SPTLC3: variants seen among roughly 807,000 people sequenced by gnomAD.
SPTLC3 encodes the protein serine palmitoyltransferase long chain base subunit 3.
A neutral mutation model predicts 59.3 loss-of-function variants in SPTLC3; 36 were observed. The ratio of observed to expected loss-of-function variants is 0.61; its 90% CI spans 0.47 to 0.80. SPTLC3 has a LOEUF of 0.80. Ranked by LOEUF, SPTLC3 falls within the 30% of genes least tolerant of loss-of-function variation. The pLI is 0.00. For synonymous variants in SPTLC3, 257 were observed against 240.8 expected, an observed-to-expected ratio of 1.07 and a Z score of -0.62; for missense variants, 625 against 685.1, an observed-to-expected ratio of 0.91 and a Z score of 0.98.
intron 2 of SPTLC3, chr20:13,049,761 A>G (rs4813107): frequency 1 from 151,727 of 152,380 alleles, 75,542 homozygotes; most frequent in Middle Eastern, 1. Flanking sequence ...ACCCATAGAC[A>G]GTTCACATCA....
chr20:13,120,413 TAATTTC>T (rs1282300666), intron 8 of SPTLC3, among the ~76,000 whole-genome samples: 1 of 152,242 alleles, frequency 6.6e-6, no homozygotes, highest in Non-Finnish European at 1.5e-5. Context: ...AAACTGTGTA[TAATTTC>T]AATTTCACTG....
chr20:13,082,019 A>G (rs1286155399), intron 4 of SPTLC3, among the ~76,000 whole-genome samples: 1 of 152,226 alleles, frequency 6.6e-6, no homozygotes, highest in Non-Finnish European at 1.5e-5. Flanking sequence ...AGCACAGCTC[A>G]ATTTCAACTA....
At chr20:13,138,573 T>C (rs142416405) in intron 9 of SPTLC3, among the ~76,000 whole-genome samples, 65 of 152,344 alleles carry the variant, frequency 4.3e-4, no homozygotes, top group South Asian at 4.1e-4. Context: ...CCGAACACTA[T>C]ACTTGGGACT....
Position 13,121,959 on chromosome 20 carries a change from T to C in SPTLC3, c.1152+4234T>C, listed in dbSNP as rs534542101. 8.2e-4 allele frequency among the ~76,000 whole-genome samples: 125 copies of C among 152,358 alleles called. 2 individuals carry two copies. The South Asian group carries it at 0.011, about 14-fold the overall frequency. On this transcript the variant is annotated intron_variant, in intron 8 of 11. Transcript: ENST00000399002. ...AATCTGTGAATTAGGGTTGGGGACA[T>C]TGGGAAGAGCCCTTTTCAAGATCAA...
At chr20:13,045,144 G>C (rs560554948) in intron 1 of SPTLC3, among the ~76,000 whole-genome samples, 15 of 152,184 alleles carry the variant, frequency 9.9e-5, no homozygotes, top group African/African-American at 3.4e-4. Flanking sequence ...TTGAACAGAA[G>C]AGTAATTGTC....
At position 13,034,310 on chromosome 20, in the gene SPTLC3, C is replaced by T. The variant is rs184331520; in HGVS notation, c.118-14635C>T. 4.2e-3 allele frequency among the ~76,000 whole-genome samples: 643 copies of T among 152,322 alleles called. 5 individuals are homozygous for T. The highest frequency in any genetic ancestry group is 6.0e-3 in the Non-Finnish European group (410 of 68,028). Reference sequence around the variant, plus strand: ...ATTCAATCAGCAAATATTTATCCCACATCATGTGTGAGGCCATGTGTAGAC... The same window carrying T: ...ATTCAATCAGCAAATATTTATCCCATATCATGTGTGAGGCCATGTGTAGAC... On this transcript the variant is annotated intron_variant, in intron 1 of 11. Transcript: ENST00000399002.
At chr20:13,060,600 TC>T (rs1987932314) in intron 2 of SPTLC3, among the ~76,000 whole-genome samples, 1 of 134,028 alleles carries the variant, frequency 7.5e-6, no homozygotes, top group Admixed American at 7.9e-5. Context: ...CCCTACCTCC[TC>T]CCACCCTCCC....
At chr20:13,126,757 T>G in intron 9 of SPTLC3, 40 bp downstream of exon 9, 1 of 1,609,854 alleles carries the variant, frequency 6.2e-7, no homozygotes, top group South Asian at 1.1e-5. Flanking sequence ...TGGACCTCTC[T>G]GTCTCCCTTC....
At chr20:13,089,584 G>A (rs183010496) in intron 4 of SPTLC3, among the ~76,000 whole-genome samples, 10 of 152,120 alleles carry the variant, frequency 6.6e-5, no homozygotes, top group East Asian at 3.9e-4. Flanking sequence ...TCAGGAGTTC[G>A]AGACCAGCCT....
intron 4 of SPTLC3, among the ~76,000 whole-genome samples, chr20:13,088,445 C>CT (rs2122616834): frequency 6.6e-6 from 1 of 152,204 alleles, no homozygotes; most frequent in African/African-American, 2.4e-5. Context: ...CATCATTCTC[C>CT]TGCCTCAGCC....
chr20:13,104,465 C>T (rs6109706), intron 6 of SPTLC3, among the ~76,000 whole-genome samples: 58,163 of 152,026 alleles, frequency 0.38, 13,828 homozygotes, highest in African/African-American at 0.69. Flanking sequence ...TTTCCCCTTC[C>T]GCCATGATTG....
intron 6 of SPTLC3, among the ~76,000 whole-genome samples, chr20:13,096,897 T>C (rs1035214542): frequency 6.6e-6 from 1 of 152,172 alleles, no homozygotes. Context: ...CTTATTAGAC[T>C]GTGAAACTGT....
intron 1 of SPTLC3, 32 bp downstream of exon 1, chr20:13,009,416 A>T (rs1331878617): frequency 3.9e-6 from 6 of 1,550,296 alleles, no homozygotes; most frequent in Middle Eastern, 1.7e-4. Context: ...TCTTCTCTGA[A>T]TTACCTGAAC....
intron 2 of SPTLC3, among the ~76,000 whole-genome samples, chr20:13,060,108 T>C (rs1289095502): frequency 1.3e-5 from 2 of 152,224 alleles, no homozygotes; most frequent in African/African-American, 4.8e-5. Context: ...AATAAGCTTT[T>C]AAAGAATTAA....
intron 7 of SPTLC3, among the ~76,000 whole-genome samples, chr20:13,114,841 C>A (rs1990445153): frequency 6.6e-6 from 1 of 152,042 alleles, no homozygotes; most frequent in South Asian, 2.1e-4. Context: ...CTGCCAGTGG[C>A]TAATATGGTT....
chr20:13,109,556 T>C (rs188812666), intron 6 of SPTLC3, among the ~76,000 whole-genome samples: 20 of 152,332 alleles, frequency 1.3e-4, no homozygotes, highest in Admixed American at 8.5e-4. Flanking sequence ...GCTCAATAAC[T>C]GTGAGCTATT....
intron 6 of SPTLC3, among the ~76,000 whole-genome samples, chr20:13,105,388 C>T (rs541961336): frequency 1.3e-5 from 2 of 152,170 alleles, no homozygotes; most frequent in African/African-American, 4.8e-5. Context: ...TCAAACACAA[C>T]GAAGTCCCTG....
intron 1 of SPTLC3, among the ~76,000 whole-genome samples, chr20:13,032,418 A>G (rs1600217785): frequency 6.6e-6 from 1 of 152,152 alleles, no homozygotes; most frequent in African/African-American, 2.4e-5. Context: ...TTCTTTCACA[A>G]CTACCTGAAA....
intron 1 of SPTLC3, among the ~76,000 whole-genome samples, chr20:13,023,354 T>C (rs1401161883): frequency 1.3e-5 from 2 of 152,122 alleles, no homozygotes; most frequent in Non-Finnish European, 2.9e-5. Flanking sequence ...TCCTATCTGT[T>C]GCCTGTCTCC....
Sources: allele counts gnomAD v4.1 joint callset (sites outside exome capture counted in the v4.1 genomes callset), GRCh38; gene constraint gnomAD v4.1.1; transcripts MANE v1.5; gene names NCBI Gene and HGNC (gene_info 2026-07-23, HGNC 2026-07-21).